TMEM74: variants seen among roughly 807,000 people sequenced by gnomAD.
TMEM74 encodes the protein transmembrane protein 74.
In TMEM74, 13 loss-of-function variants were observed where a neutral mutation model predicts 18.1. The observed-to-expected ratio is 0.72, with a 90% CI of 0.47 to 1.14. The LOEUF is 1.14. Ranked by LOEUF, TMEM74 falls within the 50% of genes most tolerant of loss-of-function variation. The pLI, the probability that TMEM74 is intolerant of heterozygous loss-of-function variation, is 0.00. For synonymous variants in TMEM74, 159 were observed against 146.6 expected (o/e 1.08, Z -0.61); for missense variants, 372 against 375.9 (o/e 0.99, Z 0.09).
chr8:108,622,321 T>C (rs906873878), intron 2 of TMEM74, among the ~76,000 whole-genome samples: 3 of 152,098 alleles, frequency 2.0e-5, no homozygotes, highest in African/African-American at 7.2e-5. Context: ...GTAGATGTTG[T>C]CAGCTCAGTT....
chr8:108,658,022 G>T (rs1011742000), intron 1 of TMEM74, among the ~76,000 whole-genome samples: 1 of 150,694 alleles, frequency 6.6e-6, no homozygotes, highest in African/African-American at 2.4e-5. Context: ...CATAGAGAAT[G>T]AGAACAAGGC....
chr8:108,625,728 T>G (rs1812486943), intron 2 of TMEM74, among the ~76,000 whole-genome samples: 1 of 151,996 alleles, frequency 6.6e-6, no homozygotes, highest in Non-Finnish European at 1.5e-5. Flanking sequence ...GTTGTCTTGC[T>G]CTTGATAAAA....
chr8:108,636,541 T>G (rs871620), intron 2 of TMEM74, among the ~76,000 whole-genome samples: 66,261 of 151,828 alleles, frequency 0.44, 15,899 homozygotes, highest in East Asian at 0.71. Flanking sequence ...GGAATGACTT[T>G]CCCTGAGGAA....
At chr8:108,633,027 C>T (rs1011145507) in intron 2 of TMEM74, among the ~76,000 whole-genome samples, 1 of 151,920 alleles carries the variant, frequency 6.6e-6, no homozygotes, top group Non-Finnish European at 1.5e-5. Context: ...CATTAGGCAG[C>T]AATCCTCTTC....
intron 1 of TMEM74, among the ~76,000 whole-genome samples, chr8:108,661,378 CTTTTTT>C (rs760545466): frequency 0.025 from 2,134 of 86,732 alleles, 30 homozygotes; most frequent in African/African-American, 0.087. Flanking sequence ...CCTTGCAGCT[CTTTTTT>C]TTTTTTTTTT....
intron 1 of TMEM74, among the ~76,000 whole-genome samples, chr8:108,739,234 C>T (rs73309863): frequency 0.042 from 6,358 of 152,210 alleles, 324 homozygotes; most frequent in African/African-American, 0.12. Context: ...AATTCAGAAT[C>T]TGAATCCTAG....
chr8:108,753,374 A>G (rs1238867736), intron 1 of TMEM74, among the ~76,000 whole-genome samples: 1 of 152,028 alleles, frequency 6.6e-6, no homozygotes, highest in African/African-American at 2.4e-5. Flanking sequence ...CTGGATGTCT[A>G]AGAATAAACA....
At chr8:108,683,266 A>ATT (rs1813133671) in intron 1 of TMEM74, among the ~76,000 whole-genome samples, 5 of 151,778 alleles carry the variant, frequency 3.3e-5, no homozygotes, top group Non-Finnish European at 5.9e-5. Context: ...GTGTTGAAAA[A>ATT]CTTTAAAATT....
At chr8:108,611,022 ATCCTG>A (rs1812328955) in intron 2 of TMEM74, among the ~76,000 whole-genome samples, 1 of 152,238 alleles carries the variant, frequency 6.6e-6, no homozygotes, top group Admixed American at 6.5e-5. Context: ...GAAAAACCTG[ATCCTG>A]TCCTCAAAAT....
At chr8:108,632,765 G>T (rs958338755) in intron 2 of TMEM74, among the ~76,000 whole-genome samples, 2 of 151,888 alleles carry the variant, frequency 1.3e-5, no homozygotes, top group African/African-American at 4.8e-5. Context: ...CTTACTATGT[G>T]GTTTCTGAGT....
At chr8:108,703,536 G>A (rs563843246) in intron 1 of TMEM74, among the ~76,000 whole-genome samples, 2 of 152,286 alleles carry the variant, frequency 1.3e-5, no homozygotes, top group East Asian at 3.9e-4. Context: ...AAAGATAAGA[G>A]AGCTACAGAT....
intron 2 of TMEM74, among the ~76,000 whole-genome samples, chr8:108,626,012 G>A (rs1169919112): frequency 1.3e-5 from 2 of 151,890 alleles, no homozygotes; most frequent in Non-Finnish European, 2.9e-5. Context: ...TTGACCTTAA[G>A]ACCTGGTTTA....
chr8:108,743,930 C>G (rs1439918909), intron 1 of TMEM74, among the ~76,000 whole-genome samples: 1 of 152,058 alleles, frequency 6.6e-6, no homozygotes, highest in African/African-American at 2.4e-5. Flanking sequence ...ACATGAAAAT[C>G]TTTATTTAGA....
At chr8:108,607,561 G>A (rs951974373) in exon 4 of TMEM74, 2 of 152,168 alleles carry the variant, frequency 1.3e-5, no homozygotes, top group African/African-American at 4.8e-5. Flanking sequence ...TAAATTGAAT[G>A]CAATAATCAC....
chr8:108,607,224 G>A (rs1812282391), exon 4 of TMEM74: 2 of 152,170 alleles, frequency 1.3e-5, no homozygotes, highest in Admixed American at 1.3e-4. Context: ...TTCAGAATTG[G>A]ACAAGGTCAC....
intron 1 of TMEM74, among the ~76,000 whole-genome samples, chr8:108,683,092 A>G (rs1171062718): frequency 6.6e-6 from 1 of 151,936 alleles, no homozygotes; most frequent in African/African-American, 2.4e-5. Context: ...GAAGGTATAA[A>G]TTACTTTAAA....
chr8:108,720,584 G>T (rs1284616326), intron 1 of TMEM74, among the ~76,000 whole-genome samples: 1 of 152,126 alleles, frequency 6.6e-6, no homozygotes, highest in Non-Finnish European at 1.5e-5. Flanking sequence ...AACAAATTAG[G>T]TAGTCTATAA....
chr8:108,738,886 T>C (rs1813772904), intron 1 of TMEM74, among the ~76,000 whole-genome samples: 1 of 152,190 alleles, frequency 6.6e-6, no homozygotes, highest in Non-Finnish European at 1.5e-5. Flanking sequence ...AGCCATTATA[T>C]CTACAATTTA....
In TMEM74 at chr8:108,756,599, A is replaced by AAAGGAAGG. The variant is rs200040254; in HGVS notation, n.119+30869_119+30876dup. ...AAGAAAGAAAGAAAGAAAGAAAGAG[A>AAAGGAAGG]AAGGAAGGAAGGAAGGAAGGAAGGA... is the stretch of plus-strand genomic sequence containing the variant. On this transcript the variant is annotated intron_variant and non_coding_transcript_variant, in intron 1 of 3. Coordinates refer to the TMEM74 transcript ENST00000518838. Among the ~76,000 whole-genome samples the AAAGGAAGG allele has an allele frequency of 1.8e-3, 95 of 51,530 alleles. 6 individuals carry two copies. The highest frequency in any genetic ancestry group is 3.0e-3 in the East Asian group (5 of 1,642). The allele number at this position is 51,530 out of a possible 152,430, so 33.8% of individuals were successfully genotyped here.
Sources: gnomAD v4.1 joint callset for allele counts (sites outside exome capture counted in the v4.1 genomes callset) on GRCh38, gnomAD v4.1.1 for gene constraint, MANE v1.5 for transcripts, NCBI Gene and HGNC (gene_info 2026-07-23, HGNC 2026-07-21) for gene names.